The following UBA2 variants were observed in gnomAD, a reference collection of about 807,000 sequenced individuals.
UBA2 encodes SUMO-activating enzyme subunit 2.
UBA2 carries 11 observed loss-of-function variants against 77.2 expected under a neutral mutation model. The ratio of observed to expected loss-of-function variants is 0.14; its 90% CI spans 0.09 to 0.24. The LOEUF (loss-of-function observed/expected upper bound fraction) is 0.24. UBA2 is among the 10% of genes least tolerant of loss of function. The pLI, the probability that UBA2 is intolerant of heterozygous loss-of-function variation, is 1.00. For synonymous variants in UBA2, 278 were observed against 276.7 expected, an observed-to-expected ratio of 1.00 and a Z score of -0.05; for missense variants, 487 against 781.7, an observed-to-expected ratio of 0.62 and a Z score of 4.50.
rs2075576585 is a variant in UBA2, at chr19:34,457,182, ATATAT to A, written c.1246-1586_1246-1582del. Among the ~76,000 whole-genome samples, 55 of 85,622 alleles carry A rather than the reference ATATAT, an allele frequency of 6.4e-4. 1 individual carries two copies. In the South Asian group the frequency reaches 0.015, roughly 23 times the overall value. The allele number at this position is 85,622 out of a possible 152,430, so 56.2% of individuals were successfully genotyped here. On this transcript the variant is annotated intron_variant, in intron 12 of 16. Coordinates refer to ENST00000246548, the MANE Select transcript of UBA2 (RefSeq NM_005499.3). ...GGTCTCTACTAAAAAAAAAAAAAATATATATATATATATATATATATATATATATA... is the reference window on the plus strand; with the variant it reads ...GGTCTCTACTAAAAAAAAAAAAAATAATATATATATATATATATATATATA...
chr19:34,448,612 A>G (rs937993785), intron 8 of UBA2, among the ~76,000 whole-genome samples: 10 of 152,076 alleles, frequency 6.6e-5, no homozygotes, highest in African/African-American at 2.4e-4. Flanking sequence ...GATATAAGTG[A>G]GCTGGGAGGC....
intron 8 of UBA2, among the ~76,000 whole-genome samples, chr19:34,449,441 CTA>C (rs10593398): frequency 0.86 from 130,065 of 151,912 alleles, 56,261 homozygotes; most frequent in Non-Finnish European, 0.92. Context: ...GGCTTATTCT[CTA>C]TAAAGATTAA....
intron 6 of UBA2, among the ~76,000 whole-genome samples, chr19:34,439,025 A>G (rs948805390): frequency 1.3e-5 from 2 of 152,116 alleles, no homozygotes; most frequent in African/African-American, 4.8e-5. Context: ...CGTGGCCAGC[A>G]TGGTGAAACA....
At chr19:34,443,759 C>A in intron 6 of UBA2, 85 bp from the exon 7 acceptor site, 1 of 977,800 alleles carries the variant, frequency 1.0e-6, no homozygotes, top group Non-Finnish European at 1.6e-6. Context: ...GTCTTTATCT[C>A]TGCTAAATAT....
At chr19:34,459,111 A>G (rs1056386249) in intron 13 of UBA2, among the ~76,000 whole-genome samples, 187 bp downstream of exon 13, 1 of 152,180 alleles carries the variant, frequency 6.6e-6, no homozygotes, top group African/African-American at 2.4e-5. Context: ...AGTGCCTCAC[A>G]TTCCCAGAAT....
At chr19:34,465,419 A>G (rs1293592220) in intron 15 of UBA2, among the ~76,000 whole-genome samples, 1 of 151,948 alleles carries the variant, frequency 6.6e-6, no homozygotes, top group Non-Finnish European at 1.5e-5. Flanking sequence ...CGGGTGGATC[A>G]CGAGGTCAGG....
At chr19:34,438,440 A>G (rs1337374906) in intron 5 of UBA2, among the ~76,000 whole-genome samples, 1 of 152,196 alleles carries the variant, frequency 6.6e-6, no homozygotes, top group Non-Finnish European at 1.5e-5. Context: ...GCGTCCTGGC[A>G]CAGCCTTAGC....
chr19:34,450,851 C>G (rs936040539), intron 9 of UBA2, among the ~76,000 whole-genome samples: 1 of 150,972 alleles, frequency 6.6e-6, no homozygotes, highest in African/African-American at 2.4e-5. Context: ...GCGATTCTCC[C>G]GCCTCAGCCT....
At chr19:34,456,895 A>T (rs1286332661) in intron 12 of UBA2, among the ~76,000 whole-genome samples, 2 of 151,846 alleles carry the variant, frequency 1.3e-5, no homozygotes, top group Non-Finnish European at 2.9e-5. Flanking sequence ...AAAATTTTTT[A>T]TAGCAGCCTG....
At chr19:34,468,119 ATATT>A (rs2145574727) in intron 16 of UBA2, among the ~76,000 whole-genome samples, 1 of 152,278 alleles carries the variant, frequency 6.6e-6, no homozygotes, top group East Asian at 1.9e-4. Flanking sequence ...TCTGATTTGA[ATATT>A]TACTCCTCTC....
chr19:34,438,204 C>T (rs1023477151), intron 5 of UBA2, among the ~76,000 whole-genome samples: 1 of 137,032 alleles, frequency 7.3e-6, no homozygotes, highest in African/African-American at 2.6e-5. Context: ...ATTCCCCAGA[C>T]CCACTTAGTT....
rs780110047 is a variant in UBA2 at position 34,450,391 on chromosome 19, CACCTAA to C, written c.871+28_871+33del. ...TAAAGAATACATTTTAGTCTTGGAA[CACCTAA>C]GCTGGAAATATCCTCGCGTAAAGTC... On this transcript the variant is annotated intron_variant, in intron 9 of 16. Coordinates refer to ENST00000246548, the MANE Select transcript of UBA2 (RefSeq NM_005499.3). The C allele has an allele frequency of 5.3e-6, 8 of 1,498,878 alleles. No homozygotes were observed. In the African/African-American group the frequency reaches 1.1e-4, roughly 21 times the overall value. 92.8% of individuals were successfully genotyped at this position (1,498,878 alleles called of 1,614,324 possible).
intron 16 of UBA2, among the ~76,000 whole-genome samples, chr19:34,467,572 T>G (rs1264555501): frequency 6.6e-6 from 1 of 151,972 alleles, no homozygotes; most frequent in East Asian, 1.9e-4. Context: ...CTCAGGAGTT[T>G]GACACTAACC....
At chr19:34,430,792 A>G in intron 2 of UBA2, 133 bp downstream of exon 2, 1 of 658,850 alleles carries the variant, frequency 1.5e-6, no homozygotes, top group Middle Eastern at 4.0e-4. Context: ...TGTGAAGGAT[A>G]AAGATATATC....
At chr19:34,467,796 C>A (rs911415662) in intron 16 of UBA2, among the ~76,000 whole-genome samples, 2 of 152,122 alleles carry the variant, frequency 1.3e-5, no homozygotes, top group African/African-American at 4.8e-5. Context: ...GGGGGAAATT[C>A]TTATGGAAAT....
Position 34,432,922 on chromosome 19 carries a change from C to A in UBA2, c.294-426C>A, listed in dbSNP as rs956522406. On this transcript the variant is annotated intron_variant, in intron 3 of 16. Transcript: ENST00000246548. Reference sequence around the variant, plus strand: ...GCCTGTAGCCCTATAACCTCCTTACCCTGTGTTGCTTTCCCAGTGCTGCTA... The same window carrying A: ...GCCTGTAGCCCTATAACCTCCTTACACTGTGTTGCTTTCCCAGTGCTGCTA... 2.6e-5 allele frequency among the ~76,000 whole-genome samples: 4 copies of A among 152,208 alleles called. No homozygotes were observed. The East Asian group carries it at 7.7e-4, about 29-fold the overall frequency.
rs1419850730 is a variant in UBA2 at position 34,444,301 on chromosome 19, A to T, written c.649+390A>T. 2.6e-5 allele frequency among the ~76,000 whole-genome samples: 4 copies of T among 151,660 alleles called. No homozygotes were observed. The East Asian group carries it at 7.8e-4, about 30-fold the overall frequency. ...TCGAACTCTTGACCTGAGGTGATCCACCCGCCTTGGCCTCCCAAAGTGCTG... is the reference window on the plus strand; with the variant it reads ...TCGAACTCTTGACCTGAGGTGATCCTCCCGCCTTGGCCTCCCAAAGTGCTG... On this transcript the variant is annotated intron_variant, in intron 7 of 16. Transcript: ENST00000246548.
At chr19:34,430,718 G>C in intron 2 of UBA2, 59 bp downstream of exon 2, 1 of 1,352,294 alleles carries the variant, frequency 7.4e-7, no homozygotes, top group Non-Finnish European at 1.1e-6. Context: ...TGTGATACCA[G>C]ATTAATCCTG....
chr19:34,458,684 A>C (rs1055934877), intron 12 of UBA2, 85 bp from the exon 13 acceptor site: 1 of 1,174,958 alleles, frequency 8.5e-7, no homozygotes, highest in Non-Finnish European at 1.1e-6. Context: ...TTTTTATTGG[A>C]TATCTGGTAA....
Sources: gnomAD v4.1 joint callset for allele counts (sites outside exome capture counted in the v4.1 genomes callset) on GRCh38, gnomAD v4.1.1 for gene constraint, MANE v1.5 for transcripts, NCBI Gene and HGNC (gene_info 2026-07-23, HGNC 2026-07-21) for gene names.